VRK2: variants seen among roughly 807,000 people sequenced by gnomAD.
VRK2 encodes VRK serine/threonine kinase 2.
Under a neutral mutation model 57.6 loss-of-function variants are expected in VRK2, and 60 were observed. The ratio of observed to expected loss-of-function variants is 1.04; its 90% CI spans 0.85 to 1.29. The LOEUF (loss-of-function observed/expected upper bound fraction) is 1.29, where lower values mean the gene tolerates loss of function less well. VRK2 is among the 50% of genes most tolerant of loss of function. The pLI, the probability that VRK2 is intolerant of heterozygous loss-of-function variation, is 0.00. For synonymous variants in VRK2, 231 were observed against 199.2 expected, an observed-to-expected ratio of 1.16 and a Z score of -1.35; for missense variants, 705 against 588.1, an observed-to-expected ratio of 1.20 and a Z score of -2.06.
At chr2:58,150,562 G>GTTTTTTTTTTTTTTT (rs35146685) in intron 12 of VRK2, among the ~76,000 whole-genome samples, 1 of 95,584 alleles carries the variant, frequency 1.0e-5, no homozygotes, top group Non-Finnish European at 2.2e-5. Flanking sequence ...TTTTTTTTTA[G>GTTTTTTTTTTTTTTT]TTTTTTTTTT....
intron 1 of VRK2, among the ~76,000 whole-genome samples, chr2:57,995,031 AAG>A (rs1363856439): frequency 6.6e-6 from 1 of 152,184 alleles, no homozygotes; most frequent in Non-Finnish European, 1.5e-5. Flanking sequence ...GAAAGGGAAA[AAG>A]TATTTTAATA....
At position 58,159,568 on chromosome 2, in the gene VRK2, A is replaced by G. The variant is rs765881788; in HGVS notation, c.1402A>G (p.Thr468Ala). The change falls in exon 13 of 13, where the codon ACT becomes GCT. Residue 468 changes from threonine (T) to alanine (A), a missense_variant. By Grantham distance (58) the Thr-to-Ala change is moderately conservative (BLOSUM62 0). Coordinates refer to ENST00000340157, the MANE Select transcript of VRK2 (RefSeq NM_006296.7). ...STGITDLESS[T>A]GLWPTISQFT... ...GGGGATCACAGACTTAGAAAGTTCA[A>G]CTGGACTTTGGCCTACAATTTCCCA... The G allele has an allele frequency of 2.2e-5, 36 of 1,613,716 alleles. No individual in the cohort carries two copies. The highest frequency in any genetic ancestry group is 3.3e-5 in the Admixed American group (2 of 59,970).
At chr2:58,076,333 C>T (rs919880260) in intron 2 of VRK2, among the ~76,000 whole-genome samples, 2 of 151,946 alleles carry the variant, frequency 1.3e-5, no homozygotes, top group African/African-American at 4.8e-5. Flanking sequence ...GCTCAGAACA[C>T]TTTTATTAGC....
At chr2:57,931,011 A>G (rs1670705536) in intron 1 of VRK2, among the ~76,000 whole-genome samples, 1 of 152,054 alleles carries the variant, frequency 6.6e-6, no homozygotes, top group Non-Finnish European at 1.5e-5. Flanking sequence ...TATATTATGC[A>G]TTCATATATT....
intron 12 of VRK2, among the ~76,000 whole-genome samples, chr2:58,156,002 G>A (rs192224067): frequency 6.6e-6 from 1 of 151,712 alleles, no homozygotes; most frequent in Non-Finnish European, 1.5e-5. Flanking sequence ...GTAATAGGAG[G>A]TACTAAAGTA....
chr2:58,121,421 A>T (rs923566721), intron 7 of VRK2, among the ~76,000 whole-genome samples: 1 of 152,244 alleles, frequency 6.6e-6, no homozygotes, highest in South Asian at 2.1e-4. Context: ...CATCAGACAC[A>T]GTGAAAGCAA....
chr2:58,120,655 C>T (rs552270300), intron 7 of VRK2, among the ~76,000 whole-genome samples: 10 of 152,272 alleles, frequency 6.6e-5, no homozygotes, highest in South Asian at 4.1e-4. Flanking sequence ...AGGCCCCTGA[C>T]GTCTCTTTTC....
chr2:57,956,963 T>C (rs1263657955), intron 1 of VRK2, among the ~76,000 whole-genome samples: 2 of 152,166 alleles, frequency 1.3e-5, no homozygotes, highest in Admixed American at 1.3e-4. Flanking sequence ...TCTTACAATT[T>C]ACAAAAATCA....
chr2:58,038,796 A>G (rs1226582706), intron 3 of VRK2, among the ~76,000 whole-genome samples: 1 of 151,970 alleles, frequency 6.6e-6, no homozygotes, highest in Non-Finnish European at 1.5e-5. Context: ...AGATACATAC[A>G]CCTTTTTTCC....
intron 7 of VRK2, among the ~76,000 whole-genome samples, chr2:58,108,112 G>C (rs1217128147): frequency 6.6e-6 from 1 of 152,148 alleles, no homozygotes; most frequent in Non-Finnish European, 1.5e-5. Context: ...TGGTACAGAA[G>C]TGATTGAGTC....
upstream of VRK2, chr2:58,046,786 T>A (rs2103745788): frequency 1.0e-6 from 1 of 985,532 alleles, no homozygotes; most frequent in South Asian, 4.7e-5. Context: ...CCCGCGGGAC[T>A]GTAGGCCCGG....
chr2:57,924,641 A>G (rs939878818), intron 1 of VRK2, among the ~76,000 whole-genome samples: 1 of 152,020 alleles, frequency 6.6e-6, no homozygotes, highest in African/African-American at 2.4e-5. Flanking sequence ...AGATCACATC[A>G]TCTGCAAGTA....
intron 1 of VRK2, among the ~76,000 whole-genome samples, chr2:57,936,523 GT>G (rs979256098): frequency 6.9e-6 from 1 of 145,362 alleles, no homozygotes. Context: ...GTTTTGTTTT[GT>G]TTTTTTGTTT....
chr2:57,969,536 A>G (rs1327612316), intron 1 of VRK2, among the ~76,000 whole-genome samples: 1 of 152,120 alleles, frequency 6.6e-6, no homozygotes, highest in Non-Finnish European at 1.5e-5. Context: ...AAGCTGCATC[A>G]AAAGTAAATT....
intron 1 of VRK2, among the ~76,000 whole-genome samples, chr2:57,926,082 G>T (rs978423209): frequency 2.6e-5 from 4 of 151,674 alleles, no homozygotes; most frequent in African/African-American, 9.7e-5. Context: ...TTCCATTGTG[G>T]CTAGAGAAAA....
chr2:58,084,613 T>C (rs1279916986), intron 3 of VRK2, among the ~76,000 whole-genome samples: 1 of 151,916 alleles, frequency 6.6e-6, no homozygotes, highest in Non-Finnish European at 1.5e-5. Flanking sequence ...TCAGTGCTTC[T>C]AGTAAGTGTT....
At chr2:58,032,659 C>A (rs1290414951) in intron 2 of VRK2, among the ~76,000 whole-genome samples, 1 of 152,140 alleles carries the variant, frequency 6.6e-6, no homozygotes, top group African/African-American at 2.4e-5. Context: ...CTAGCTGGGA[C>A]AGCCTAGGCT....
intron 7 of VRK2, among the ~76,000 whole-genome samples, chr2:58,097,676 A>G (rs1157761367): frequency 6.6e-6 from 1 of 152,172 alleles, no homozygotes; most frequent in East Asian, 1.9e-4. Flanking sequence ...TTGCCTAGTA[A>G]TATCACAGCC....
chr2:57,918,585 G>A (rs1670230538), intron 1 of VRK2, among the ~76,000 whole-genome samples: 1 of 152,042 alleles, frequency 6.6e-6, no homozygotes, highest in Non-Finnish European at 1.5e-5. Context: ...GACCATGATG[G>A]TAAATGAATA....
Sources: allele counts gnomAD v4.1 joint callset (sites outside exome capture counted in the v4.1 genomes callset), GRCh38; gene constraint gnomAD v4.1.1; transcripts MANE v1.5; gene names NCBI Gene and HGNC (gene_info 2026-07-23, HGNC 2026-07-21).